The following HADHB variants were observed in gnomAD, a reference collection of about 807,000 sequenced individuals.
HADHB encodes the protein trifunctional enzyme subunit beta, mitochondrial.
Under a neutral mutation model 61.9 loss-of-function variants are expected in HADHB, and 50 were observed. That is an observed-to-expected ratio of 0.81 (90% confidence interval 0.64 to 1.02). The LOEUF (loss-of-function observed/expected upper bound fraction) is 1.02, where lower values mean the gene tolerates loss of function less well. Among genes scored for constraint, HADHB ranks in the 50% least tolerant of loss-of-function variants. The pLI is 0.00. For missense variants in HADHB, 504 were observed against 586.5 expected (o/e 0.86, Z 1.45); for synonymous variants, 191 against 201.6 (o/e 0.95, Z 0.45).
chr2:26,250,492 T>C (rs972311405), intron 1 of HADHB, among the ~76,000 whole-genome samples: 2 of 152,202 alleles, frequency 1.3e-5, no homozygotes, highest in African/African-American at 2.4e-5. Flanking sequence ...GTTGTACTTC[T>C]GGGTTTTGTG....
intron 15 of HADHB, among the ~76,000 whole-genome samples, chr2:26,288,222 G>A (rs959406543): frequency 1.3e-5 from 2 of 152,092 alleles, no homozygotes; most frequent in South Asian, 2.1e-4. Flanking sequence ...CTGTATTCAC[G>A]CCACTGCACT....
At chr2:26,266,147 T>G (rs1284601446) in intron 4 of HADHB, among the ~76,000 whole-genome samples, 2 of 151,970 alleles carry the variant, frequency 1.3e-5, no homozygotes, top group Non-Finnish European at 2.9e-5. Context: ...ATGCCCCTAG[T>G]CCTAGCTACT....
intron 13 of HADHB, 109 bp downstream of exon 13, chr2:26,284,313 G>A: frequency 1.3e-6 from 1 of 775,030 alleles, no homozygotes; most frequent in Non-Finnish European, 2.3e-6. Flanking sequence ...AGCAGGAGTG[G>A]ACCTGCATAT....
chr2:26,283,517 C>A lies in HADHB; in HGVS notation c.1061+466C>A, dbSNP rs565595175. On this transcript the variant is annotated intron_variant, in intron 12 of 15. Coordinates refer to ENST00000317799, the MANE Select transcript of HADHB (RefSeq NM_000183.3). The stretch of plus-strand genomic sequence containing the variant: ...CCAGCCTGGGCGACAGAGCGAGACT[C>A]CATCTCAAAAAAATAAATAAATAAA... Among the ~76,000 whole-genome samples the A allele has an allele frequency of 3.3e-5, 5 of 152,070 alleles. No homozygotes were observed. The East Asian group carries it at 7.7e-4, about 23-fold the overall frequency.
intron 1 of HADHB, among the ~76,000 whole-genome samples, chr2:26,251,846 A>G (rs932926560): frequency 7.2e-5 from 11 of 152,164 alleles, no homozygotes; most frequent in Admixed American, 7.2e-4. Context: ...CTTTTGTATT[A>G]TCTATTTCTG....
rs1574668744 is a variant in HADHB at position 26,284,348 on chromosome 2, G to T, written c.1149+144G>T. On this transcript the variant is annotated intron_variant, in intron 13 of 15. Coordinates refer to ENST00000317799, the MANE Select transcript of HADHB (RefSeq NM_000183.3). ...TTTTAAGTACTGATTCACACTGCTGGGAGGGGCCCGAGGGGAGGGAAGCAA... is the reference window on the plus strand; with the variant it reads ...TTTTAAGTACTGATTCACACTGCTGTGAGGGGCCCGAGGGGAGGGAAGCAA... 4.1e-6 allele frequency: 3 copies of T among 723,114 alleles called. No homozygotes were observed. The East Asian group carries it at 7.4e-5, about 18-fold the overall frequency. 44.8% of individuals were successfully genotyped at this position (723,114 alleles called of 1,614,324 possible). A position where few individuals can be genotyped will look rare whatever the true frequency, so the allele number is the denominator to read the frequency against.
chr2:26,250,416 T>C (rs1304784341), intron 1 of HADHB, among the ~76,000 whole-genome samples: 2 of 152,240 alleles, frequency 1.3e-5, no homozygotes, highest in African/African-American at 4.8e-5. Context: ...AACTTGATTT[T>C]AGTATATTTT....
intron 10 of HADHB, among the ~76,000 whole-genome samples, chr2:26,280,967 A>G (rs1168931736): frequency 6.6e-6 from 1 of 151,872 alleles, no homozygotes; most frequent in Non-Finnish European, 1.5e-5. Flanking sequence ...AGGTTGGAGC[A>G]TAAGGTATGA....
chr2:26,250,958 C>T (rs1484227230), intron 1 of HADHB, among the ~76,000 whole-genome samples: 9 of 151,048 alleles, frequency 6.0e-5, no homozygotes, highest in South Asian at 2.1e-4. Context: ...TTTGTGCTTT[C>T]GCTGTGAGCT....
intron 9 of HADHB, 64 bp from the exon 10 acceptor site, chr2:26,279,922 AGCATATTT>A: frequency 3.5e-6 from 4 of 1,127,564 alleles, no homozygotes; most frequent in Non-Finnish European, 5.4e-6. Flanking sequence ...TAATTTTTAA[AGCATATTT>A]CTGTGGAGAA....
At chr2:26,260,907 A>G in intron 3 of HADHB, 1 of 720,426 alleles carries the variant, frequency 1.4e-6, no homozygotes, top group Non-Finnish European at 2.4e-6. Context: ...TCAGTTTACC[A>G]TCAACCTGTT....
rs1364982122 is a variant in HADHB at position 26,282,304 on chromosome 2, G to A, written c.934-541G>A. ...GAGTCTGGCTTTGTCACCCAGGCTG[G>A]AATGCAGTGGCACGATCTCAGCTCA... On this transcript the variant is annotated intron_variant, in intron 10 of 15. Coordinates refer to ENST00000317799, the MANE Select transcript of HADHB (RefSeq NM_000183.3). Among the ~76,000 whole-genome samples, 6 of 145,524 alleles carry A rather than the reference G, an allele frequency of 4.1e-5. No homozygotes were observed. In the East Asian group the frequency reaches 6.0e-4, roughly 14 times the overall value.
intron 3 of HADHB, among the ~76,000 whole-genome samples, chr2:26,257,997 G>C (rs553090176): frequency 2.6e-5 from 4 of 151,852 alleles, no homozygotes; most frequent in Non-Finnish European, 5.9e-5. Context: ...CTAGCCTGGG[G>C]ACAGAGCAAG....
chr2:26,271,204 C>G (rs866295099), intron 5 of HADHB, among the ~76,000 whole-genome samples: 2 of 149,686 alleles, frequency 1.3e-5, no homozygotes, highest in Non-Finnish European at 3.0e-5. Context: ...CGATTCTTCT[C>G]TAGCTTAAAA....
chr2:26,277,837 C>A (rs796816239), intron 7 of HADHB, among the ~76,000 whole-genome samples: 5 of 152,286 alleles, frequency 3.3e-5, no homozygotes, highest in African/African-American at 1.2e-4. Flanking sequence ...GATATTTTCC[C>A]ACAAAGATAT....
chr2:26,245,285 T>G lies in HADHB; in HGVS notation c.-9+295T>G, dbSNP rs545920799. The G allele has an allele frequency of 2.6e-3, 411 of 160,544 alleles. 1 individual carries two copies. Among genetic ancestry groups the G allele is most frequent in the African/African-American group, 9.7e-3 (400 of 41,278 alleles). 9.9% of individuals were successfully genotyped at this position (160,544 alleles called of 1,614,324 possible). On this transcript the variant is annotated intron_variant, in intron 1 of 15. Coordinates refer to ENST00000317799, the MANE Select transcript of HADHB (RefSeq NM_000183.3). ...GGGGGTGTGTGTGTGTGTGTGGGTG[T>G]GTGTGGGCGTGTGTGGGCGTCGGCC...
At chr2:26,280,605 C>T (rs1267398744) in intron 10 of HADHB, among the ~76,000 whole-genome samples, 2 of 152,124 alleles carry the variant, frequency 1.3e-5, no homozygotes, top group Non-Finnish European at 2.9e-5. Flanking sequence ...GTAATCCCAG[C>T]ACTTTGGGAG....
At chr2:26,285,623 G>T in intron 15 of HADHB, 52 bp downstream of exon 15, 1 of 1,416,322 alleles carries the variant, frequency 7.1e-7, no homozygotes, top group South Asian at 1.2e-5. Flanking sequence ...TTCTTGGAAT[G>T]ACTAGAATGT....
rs563224615 is a variant in HADHB at position 26,285,237 on chromosome 2, C to T, written c.1225-170C>T. Among the ~76,000 whole-genome samples, 77 of 152,234 alleles carry T rather than the reference C, an allele frequency of 5.1e-4. 1 individual carries two copies. Among genetic ancestry groups the T allele is most frequent in the Non-Finnish European group, 9.8e-4 (67 of 68,024 alleles). ...CATTAGATGAAAAATAAATGGACTC[C>T]TGACTTTTAATATTGACCTAGACTT... On this transcript the variant is annotated intron_variant, in intron 14 of 15. Coordinates refer to ENST00000317799, the MANE Select transcript of HADHB (RefSeq NM_000183.3).
Sources: gnomAD v4.1 joint callset for allele counts (sites outside exome capture counted in the v4.1 genomes callset) on GRCh38, gnomAD v4.1.1 for gene constraint, MANE v1.5 for transcripts, NCBI Gene and HGNC (gene_info 2026-07-23, HGNC 2026-07-21) for gene names.